The following NRG2 variants were observed in gnomAD, a reference collection of about 807,000 sequenced individuals.
The protein encoded by NRG2 is neuregulin 2.
Under a neutral mutation model 73.9 loss-of-function variants are expected in NRG2, and 27 were observed. The ratio of observed to expected loss-of-function variants is 0.37; its 90% CI spans 0.27 to 0.50. The LOEUF (loss-of-function observed/expected upper bound fraction) is 0.50. NRG2 is among the 20% of genes least tolerant of loss of function. The probability of loss-of-function intolerance (pLI) is 0.96; values close to 1 mark genes in which losing one functional copy is unlikely to be tolerated. For synonymous variants in NRG2, 532 were observed against 541.0 expected, an observed-to-expected ratio of 0.98 and a Z score of 0.23; for missense variants, 1,126 against 1,210.1, an observed-to-expected ratio of 0.93 and a Z score of 1.03.
intron 1 of NRG2, among the ~76,000 whole-genome samples, chr5:139,906,123 T>A (rs1249852503): frequency 6.6e-6 from 1 of 152,142 alleles, no homozygotes; most frequent in Non-Finnish European, 1.5e-5. Flanking sequence ...TTCTCCTGCC[T>A]TAGCCTCCTG....
At chr5:139,876,861 A>G (rs1444776018) in intron 3 of NRG2, among the ~76,000 whole-genome samples, 3 of 152,018 alleles carry the variant, frequency 2.0e-5, no homozygotes, top group African/African-American at 7.3e-5. Flanking sequence ...GCGACTTCCC[A>G]GAGCTCAGAG....
At chr5:139,890,473 C>CTTTTT (rs11288649) in intron 1 of NRG2, among the ~76,000 whole-genome samples, 2 of 106,030 alleles carry the variant, frequency 1.9e-5, no homozygotes, top group Admixed American at 9.7e-5. Context: ...TTCTTTCTTT[C>CTTTTT]TTTTTTTTTT....
At chr5:139,978,373 T>C (rs10077644) in intron 1 of NRG2, among the ~76,000 whole-genome samples, 14,082 of 152,126 alleles carry the variant, frequency 0.093, 1,046 homozygotes, top group African/African-American at 0.21. Context: ...ATCAGAGAAA[T>C]GCAAATCAAA....
chr5:140,033,465 T>C (rs1322752951), intron 1 of NRG2, among the ~76,000 whole-genome samples: 1 of 152,170 alleles, frequency 6.6e-6, no homozygotes, highest in Non-Finnish European at 1.5e-5. Context: ...AAAAACAGTA[T>C]CTATCTTCAG....
At chr5:139,863,272 T>G (rs190374977) in intron 5 of NRG2, among the ~76,000 whole-genome samples, 1 of 152,246 alleles carries the variant, frequency 6.6e-6, no homozygotes, top group African/African-American at 2.4e-5. Flanking sequence ...CCTGAACACT[T>G]AAGCCAGCAC....
chr5:139,939,480 G>T (rs1207261172), intron 1 of NRG2, among the ~76,000 whole-genome samples: 1 of 151,978 alleles, frequency 6.6e-6, no homozygotes, highest in Non-Finnish European at 1.5e-5. Context: ...TCACCGTGTT[G>T]CCCAGGCTGG....
intron 1 of NRG2, among the ~76,000 whole-genome samples, chr5:139,985,622 T>C (rs1757115257): frequency 6.6e-6 from 1 of 152,304 alleles, no homozygotes; most frequent in Admixed American, 6.5e-5. Context: ...CATGCAGGCT[T>C]ACATCCACGT....
intron 1 of NRG2, among the ~76,000 whole-genome samples, chr5:139,979,278 G>A (rs188051693): frequency 1.3e-5 from 2 of 151,984 alleles, no homozygotes; most frequent in South Asian, 2.1e-4. Flanking sequence ...TCAGATGGAC[G>A]CCTACGTTCA....
intron 3 of NRG2, among the ~76,000 whole-genome samples, chr5:139,872,086 A>T (rs1171900170): frequency 6.6e-6 from 1 of 152,206 alleles, no homozygotes; most frequent in Non-Finnish European, 1.5e-5. Flanking sequence ...AAGGCCAGGA[A>T]GATTTTCATT....
At position 139,954,285 on chromosome 5, in the gene NRG2, G is replaced by A. The variant is rs1754451346; in HGVS notation, c.701-66774C>T. ...CCAAGCCAGAGAGGAGCAGCCTGGG[G>A]CCCCAGGAGACCTGCAGCGGCTGTC... On this transcript the variant is annotated intron_variant, in intron 1 of 9. Transcript: ENST00000361474. The surrounding 1 kb of genome is among the most constrained non-coding windows in gnomAD (Gnocchi z 5.0). Among the ~76,000 whole-genome samples the A allele has an allele frequency of 6.6e-6, 1 of 152,182 alleles. No individual in the cohort carries two copies.
At chr5:139,950,231 A>G (rs1754099868) in intron 1 of NRG2, among the ~76,000 whole-genome samples, 1 of 152,222 alleles carries the variant, frequency 6.6e-6, no homozygotes, top group South Asian at 2.1e-4. Context: ...TGCCAGGGAC[A>G]CAGACGATTA....
Position 139,961,846 on chromosome 5 carries a change from G to A in NRG2, c.701-74335C>T, listed in dbSNP as rs187828356. Among the ~76,000 whole-genome samples the A allele has an allele frequency of 5.2e-3, 798 of 152,334 alleles. 5 individuals are homozygous for A. Among genetic ancestry groups the A allele is most frequent in the Admixed American group, 0.012 (191 of 15,306 alleles). ...CTCAATCCAGTTTCAGGAATCGTCT[G>A]CAATAGCCACTGTCCTGACTTGGCA... On this transcript the variant is annotated intron_variant, in intron 1 of 9. Coordinates refer to ENST00000361474, the MANE Select transcript of NRG2 (RefSeq NM_004883.3).
At chr5:139,889,792 TG>T in intron 1 of NRG2, among the ~76,000 whole-genome samples, 1 of 152,304 alleles carries the variant, frequency 6.6e-6, no homozygotes, top group Non-Finnish European at 1.5e-5. Context: ...TTGTTAGATT[TG>T]TGTCCAAGAA....
intron 1 of NRG2, among the ~76,000 whole-genome samples, chr5:139,967,866 G>A (rs1755657279): frequency 6.6e-6 from 1 of 152,160 alleles, no homozygotes; most frequent in African/African-American, 2.4e-5. Context: ...GGCTGAGGCA[G>A]GAGAATCCCT....
At chr5:139,899,933 G>A (rs1384119465) in intron 1 of NRG2, among the ~76,000 whole-genome samples, 2 of 152,196 alleles carry the variant, frequency 1.3e-5, no homozygotes, top group Admixed American at 1.3e-4. Flanking sequence ...CTCTGCCCCA[G>A]TTTTCTCATC....
chr5:139,938,945 GAAAGAAAGAA>G (rs912308848), intron 1 of NRG2, among the ~76,000 whole-genome samples: 1 of 107,572 alleles, frequency 9.3e-6, no homozygotes, highest in Non-Finnish European at 1.9e-5. Context: ...AAGAAAGAAA[GAAAGAAAGAA>G]AGAAAAAAGA....
chr5:139,935,958 T>TTA (rs1752818458), intron 1 of NRG2, among the ~76,000 whole-genome samples: 1 of 122,268 alleles, frequency 8.2e-6, no homozygotes, highest in South Asian at 2.6e-4. Context: ...GACTCTGTCT[T>TTA]AAAAAAAAAA....
chr5:139,942,887 C>A (rs1451025455), intron 1 of NRG2, among the ~76,000 whole-genome samples: 1 of 152,208 alleles, frequency 6.6e-6, no homozygotes, highest in Non-Finnish European at 1.5e-5. Flanking sequence ...GTCATCCAGG[C>A]TAGAGTGCAG....
intron 1 of NRG2, among the ~76,000 whole-genome samples, chr5:139,988,727 T>C (rs1385621603): frequency 1.3e-5 from 2 of 151,976 alleles, no homozygotes; most frequent in Non-Finnish European, 2.9e-5. Context: ...CTTATACACA[T>C]GTCCAAACCC....
Sources: gnomAD v4.1 joint callset for allele counts (sites outside exome capture counted in the v4.1 genomes callset) on GRCh38, gnomAD v4.1.1 for gene constraint, Gnocchi (gnomAD v3.1) non-coding constraint, MANE v1.5 for transcripts, NCBI Gene and HGNC (gene_info 2026-07-23, HGNC 2026-07-21) for gene names.